Variants in GPC5 observed in about 807,000 individuals in gnomAD.
GPC5 encodes glypican-5.
A neutral mutation model predicts 53.9 loss-of-function variants in GPC5; 47 were observed. That is an observed-to-expected ratio of 0.87 (90% CI 0.69 to 1.11). The LOEUF (loss-of-function observed/expected upper bound fraction) is 1.11. GPC5 is among the 50% of genes most tolerant of loss of function. The pLI is 0.00. For missense variants in GPC5, 748 were observed against 713.1 expected (o/e 1.05, Z -0.56); for synonymous variants, 286 against 263.3 (o/e 1.09, Z -0.84).
Position 91,750,642 on chromosome 13 carries a change from A to G in GPC5, c.1155-5653A>G, listed in dbSNP as rs554318030. On this transcript the variant is annotated intron_variant, in intron 4 of 7. Transcript: ENST00000377067. ...GATTTGAATTCTGATAATAGGGCCA[A>G]CATTAATTTGCTCTGTGGTAGTAGG... Among the ~76,000 whole-genome samples the G allele has an allele frequency of 4.0e-5, 6 of 150,752 alleles. No homozygotes were observed. In the South Asian group the frequency reaches 1.3e-3, roughly 32 times the overall value.
At chr13:91,428,295 C>A (rs1489044142) in intron 1 of GPC5, among the ~76,000 whole-genome samples, 1 of 152,106 alleles carries the variant, frequency 6.6e-6, no homozygotes. Flanking sequence ...AGAAAGCCCT[C>A]AGCAGCAAGA....
intron 3 of GPC5, among the ~76,000 whole-genome samples, chr13:91,721,609 C>T (rs908637390): frequency 2.6e-5 from 4 of 152,170 alleles, no homozygotes; most frequent in Admixed American, 6.5e-5. Flanking sequence ...GGAAACTACC[C>T]GATGATCTGG....
intron 5 of GPC5, among the ~76,000 whole-genome samples, chr13:91,763,061 T>C (rs1594536991): frequency 1.3e-5 from 2 of 152,296 alleles, no homozygotes; most frequent in Middle Eastern, 3.4e-3. Context: ...CATCAATGAG[T>C]AATTCTTTGA....
intron 7 of GPC5, among the ~76,000 whole-genome samples, chr13:92,601,366 G>C (rs1015197567): frequency 6.6e-6 from 1 of 151,784 alleles, no homozygotes; most frequent in Non-Finnish European, 1.5e-5. Flanking sequence ...GACCAGCCTG[G>C]CCAACATGGT....
At chr13:91,596,380 A>G (rs971172312) in intron 2 of GPC5, among the ~76,000 whole-genome samples, 8 of 152,200 alleles carry the variant, frequency 5.3e-5, no homozygotes, top group African/African-American at 9.6e-5. Context: ...ATCACATGCT[A>G]TGTGGTTAAA....
intron 2 of GPC5, among the ~76,000 whole-genome samples, chr13:91,600,988 A>AT: frequency 6.6e-6 from 1 of 152,268 alleles, no homozygotes; most frequent in African/African-American, 2.4e-5. Context: ...TAATTACAGC[A>AT]TTTTGTTAAT....
At chr13:91,950,491 G>T (rs980328915) in intron 6 of GPC5, among the ~76,000 whole-genome samples, 2 of 151,910 alleles carry the variant, frequency 1.3e-5, no homozygotes, top group Non-Finnish European at 2.9e-5. Context: ...TAAGCACTTG[G>T]CTCAGAATGA....
At chr13:92,329,553 T>C (rs1333560384) in intron 7 of GPC5, among the ~76,000 whole-genome samples, 3 of 152,116 alleles carry the variant, frequency 2.0e-5, no homozygotes, top group Non-Finnish European at 4.4e-5. Context: ...ATCCAAACTA[T>C]GTCCCCTCCA....
chr13:91,937,406 G>A (rs541630339), intron 6 of GPC5, among the ~76,000 whole-genome samples: 48 of 152,154 alleles, frequency 3.2e-4, no homozygotes, highest in Admixed American at 1.0e-3. Context: ...AGCTTTTACA[G>A]AAGAGCGAGT....
intron 6 of GPC5, among the ~76,000 whole-genome samples, chr13:91,920,911 TC>T: frequency 2.1e-5 from 1 of 47,948 alleles, no homozygotes; most frequent in Non-Finnish European, 4.6e-5. Context: ...TTTAAATCTC[TC>T]TCTCTCTCTC....
intron 7 of GPC5, among the ~76,000 whole-genome samples, chr13:92,261,038 TATA>T (rs948992701): frequency 6.6e-6 from 1 of 152,210 alleles, no homozygotes; most frequent in Non-Finnish European, 1.5e-5. Context: ...CCAATACTTA[TATA>T]ATAACATTTG....
In GPC5 at chr13:91,936,796, T is replaced by C. The variant is rs1216735979; in HGVS notation, c.1401+28739T>C. On this transcript the variant is annotated intron_variant, in intron 6 of 7. Coordinates refer to ENST00000377067, the MANE Select transcript of GPC5 (RefSeq NM_004466.6). ...GAGTCAATTTGTTTGAGAGTCTGCA[T>C]CCTTTCCTGATGGGGCCTTGGGAGC... Among the ~76,000 whole-genome samples the C allele has an allele frequency of 3.9e-5, 6 of 152,134 alleles. 1 individual carries two copies. In the East Asian group the frequency reaches 9.7e-4, roughly 25 times the overall value.
At chr13:91,858,858 A>T (rs924091547) in intron 5 of GPC5, among the ~76,000 whole-genome samples, 2 of 151,504 alleles carry the variant, frequency 1.3e-5, no homozygotes, top group Non-Finnish European at 3.0e-5. Context: ...CAGGTTTTGG[A>T]TTTCTTCATC....
chr13:92,226,079 A>C (rs1325249738), intron 7 of GPC5, among the ~76,000 whole-genome samples: 1 of 152,144 alleles, frequency 6.6e-6, no homozygotes, highest in African/African-American at 2.4e-5. Flanking sequence ...CTGATGGCTT[A>C]AGAGTGTGGC....
chr13:92,859,389 G>A (rs1192771723), intron 7 of GPC5, among the ~76,000 whole-genome samples: 6 of 151,494 alleles, frequency 4.0e-5, no homozygotes, highest in African/African-American at 1.5e-4. Flanking sequence ...ATTTCTCTTT[G>A]TCTTTGGTAC....
chr13:91,641,824 C>T (rs1176215964), intron 2 of GPC5, among the ~76,000 whole-genome samples: 2 of 152,172 alleles, frequency 1.3e-5, no homozygotes, highest in Non-Finnish European at 2.9e-5. Context: ...CTATAGGGAA[C>T]ACTGAGTTCG....
intron 6 of GPC5, among the ~76,000 whole-genome samples, chr13:91,919,950 AC>A (rs1399489234): frequency 1.3e-5 from 2 of 152,210 alleles, no homozygotes; most frequent in Non-Finnish European, 2.9e-5. Context: ...AATTCCATGT[AC>A]TGACTGGATC....
intron 2 of GPC5, among the ~76,000 whole-genome samples, chr13:91,572,232 TATATAC>T (rs1450836434): frequency 2.2e-4 from 33 of 146,694 alleles, no homozygotes; most frequent in African/African-American, 6.5e-4. Flanking sequence ...TACACATATG[TATATAC>T]ATGTGTATAT....
intron 7 of GPC5, among the ~76,000 whole-genome samples, chr13:92,621,984 A>G (rs1357314808): frequency 6.6e-6 from 1 of 152,166 alleles, no homozygotes; most frequent in African/African-American, 2.4e-5. Flanking sequence ...CTCTCTGTGT[A>G]TCTTCCTGAA....
Sources: allele counts gnomAD v4.1 joint callset (sites outside exome capture counted in the v4.1 genomes callset), GRCh38; gene constraint gnomAD v4.1.1; transcripts MANE v1.5; gene names NCBI Gene and HGNC (gene_info 2026-07-23, HGNC 2026-07-21).